MACROD2: variants seen among roughly 807,000 people sequenced by gnomAD.
MACROD2 encodes ADP-ribose glycohydrolase MACROD2.
MACROD2 carries 36 observed loss-of-function variants against 70.4 expected under a neutral mutation model. The ratio of observed to expected loss-of-function variants is 0.51; its 90% CI spans 0.39 to 0.68. MACROD2 has a LOEUF of 0.68. Ranked by LOEUF, MACROD2 falls within the 30% of genes least tolerant of loss-of-function variation. The pLI, the probability that MACROD2 is intolerant of heterozygous loss-of-function variation, is 0.00. For missense variants in MACROD2, 496 were observed against 538.4 expected (o/e 0.92, Z 0.78); for synonymous variants, 172 against 178.8 (o/e 0.96, Z 0.30).
chr20:14,772,389 C>T (rs2072180543), intron 5 of MACROD2, among the ~76,000 whole-genome samples: 1 of 152,002 alleles, frequency 6.6e-6, no homozygotes, highest in Admixed American at 6.6e-5. Flanking sequence ...AGAGGTTTAA[C>T]TGGACTTACA....
At chr20:15,761,830 A>C (rs1454233221) in intron 8 of MACROD2, among the ~76,000 whole-genome samples, 1 of 152,124 alleles carries the variant, frequency 6.6e-6, no homozygotes, top group Admixed American at 6.5e-5. Flanking sequence ...AAAGCAACTC[A>C]TTTTCCCCAG....
intron 6 of MACROD2, among the ~76,000 whole-genome samples, chr20:15,233,681 ATAAAT>A (rs1663416626): frequency 6.6e-6 from 1 of 151,938 alleles, no homozygotes; most frequent in Admixed American, 6.6e-5. Flanking sequence ...AAGGAAAAAG[ATAAAT>A]TAATCAACAA....
chr20:15,093,817 T>C (rs971794836), intron 5 of MACROD2, among the ~76,000 whole-genome samples: 1 of 152,184 alleles, frequency 6.6e-6, no homozygotes, highest in Non-Finnish European at 1.5e-5. Context: ...GGAAAACTTT[T>C]ATAGTACTTA....
intron 5 of MACROD2, among the ~76,000 whole-genome samples, chr20:15,029,907 T>C (rs990872177): frequency 2.6e-5 from 4 of 151,848 alleles, no homozygotes; most frequent in African/African-American, 9.7e-5. Flanking sequence ...CTGGCCAACA[T>C]AGTGAAATCC....
intron 8 of MACROD2, among the ~76,000 whole-genome samples, chr20:15,817,837 C>T (rs956729143): frequency 1.1e-4 from 17 of 152,188 alleles, no homozygotes; most frequent in Admixed American, 2.0e-4. Context: ...CAGAATAAAG[C>T]GTAGGTGCAT....
At chr20:14,608,635 CAGTA>C (rs1460725205) in intron 4 of MACROD2, among the ~76,000 whole-genome samples, 1 of 152,226 alleles carries the variant, frequency 6.6e-6, no homozygotes, top group African/African-American at 2.4e-5. Context: ...GTGGATGAAA[CAGTA>C]AGGTCCCTAT....
intron 5 of MACROD2, chr20:14,888,569 A>G (rs765703070): frequency 2.0e-5 from 3 of 152,190 alleles, no homozygotes; most frequent in Admixed American, 6.5e-5. Context: ...CTACATGGCC[A>G]GAGGGACATG....
At chr20:15,277,753 G>A (rs1312628716) in intron 6 of MACROD2, among the ~76,000 whole-genome samples, 1 of 152,154 alleles carries the variant, frequency 6.6e-6, no homozygotes, top group Non-Finnish European at 1.5e-5. Context: ...TTTGGGGTAT[G>A]TTACTTAAAT....
chr20:14,144,388 G>A (rs1569178306), intron 3 of MACROD2, among the ~76,000 whole-genome samples: 1 of 152,118 alleles, frequency 6.6e-6, no homozygotes, highest in Non-Finnish European at 1.5e-5. Context: ...GACCTTCTAG[G>A]TTTTCTTATC....
chr20:14,054,745 G>A (rs2148651390), intron 2 of MACROD2, among the ~76,000 whole-genome samples: 1 of 152,190 alleles, frequency 6.6e-6, no homozygotes, highest in African/African-American at 2.4e-5. Flanking sequence ...CTTCAGATTT[G>A]GTAAAGAATT....
At chr20:14,950,299 A>G (rs1371750766) in intron 5 of MACROD2, among the ~76,000 whole-genome samples, 1 of 152,030 alleles carries the variant, frequency 6.6e-6, no homozygotes, top group Non-Finnish European at 1.5e-5. Context: ...TTCATTAGGG[A>G]CCACATTATA....
At chr20:14,390,558 G>A (rs966364828) in intron 3 of MACROD2, among the ~76,000 whole-genome samples, 1 of 152,080 alleles carries the variant, frequency 6.6e-6, no homozygotes, top group Non-Finnish European at 1.5e-5. Flanking sequence ...ATAGACCAAT[G>A]GAACGGAATA....
intron 3 of MACROD2, among the ~76,000 whole-genome samples, chr20:14,310,087 G>C (rs780322152): frequency 2.0e-5 from 3 of 152,098 alleles, no homozygotes; most frequent in Non-Finnish European, 4.4e-5. Flanking sequence ...ATCCATGCTT[G>C]TGCTAATTTT....
At chr20:14,114,229 C>G (rs897356809) in intron 3 of MACROD2, among the ~76,000 whole-genome samples, 13 of 152,118 alleles carry the variant, frequency 8.5e-5, no homozygotes, top group African/African-American at 3.1e-4. Flanking sequence ...TCTCACAGCT[C>G]ACATTCTGAC....
intron 6 of MACROD2, among the ~76,000 whole-genome samples, chr20:15,416,426 G>A (rs535192458): frequency 2.6e-5 from 4 of 152,224 alleles, no homozygotes; most frequent in South Asian, 2.1e-4. Flanking sequence ...TGTGACTAAG[G>A]AAAGAAGAAT....
intron 8 of MACROD2, among the ~76,000 whole-genome samples, chr20:15,736,120 G>A (rs1320350773): frequency 6.6e-6 from 1 of 152,168 alleles, no homozygotes; most frequent in Non-Finnish European, 1.5e-5. Flanking sequence ...ATACCTACAT[G>A]TACAGCTATT....
chr20:15,260,569 A>C (rs141376925), intron 6 of MACROD2, among the ~76,000 whole-genome samples: 34 of 152,072 alleles, frequency 2.2e-4, no homozygotes, highest in African/African-American at 7.7e-4. Flanking sequence ...GGCTGCAGTA[A>C]ATATGGGAGT....
At chr20:14,238,001 A>T (rs1011065225) in intron 3 of MACROD2, among the ~76,000 whole-genome samples, 2 of 152,082 alleles carry the variant, frequency 1.3e-5, no homozygotes, top group African/African-American at 2.4e-5. Flanking sequence ...GCCACAATAA[A>T]CATACGTGTG....
chr20:14,337,032 T>TA (rs1480331657), intron 3 of MACROD2, among the ~76,000 whole-genome samples: 3 of 152,188 alleles, frequency 2.0e-5, no homozygotes, highest in Non-Finnish European at 2.9e-5. Context: ...TTGGTGATCA[T>TA]CCCACACGTA....
Sources: allele counts gnomAD v4.1 joint callset (sites outside exome capture counted in the v4.1 genomes callset), GRCh38; gene constraint gnomAD v4.1.1; transcripts MANE v1.5; gene names NCBI Gene and HGNC (gene_info 2026-07-23, HGNC 2026-07-21).